Variants in ANKZF1 observed in about 807,000 individuals in gnomAD.
ANKZF1 encodes the protein tRNA endonuclease ANKZF1.
A neutral mutation model predicts 86.0 loss-of-function variants in ANKZF1; 84 were observed. That is an observed-to-expected ratio of 0.98 (90% CI 0.82 to 1.17). The LOEUF (loss-of-function observed/expected upper bound fraction) is 1.17, where lower values mean the gene tolerates loss of function less well. Among genes scored for constraint, ANKZF1 ranks in the 50% most tolerant of loss-of-function variants. The probability of loss-of-function intolerance (pLI) is 0.00; values close to 1 mark genes in which losing one functional copy is unlikely to be tolerated. For synonymous variants in ANKZF1, 331 were observed against 354.2 expected, an observed-to-expected ratio of 0.93 and a Z score of 0.74; for missense variants, 893 against 918.4, an observed-to-expected ratio of 0.97 and a Z score of 0.36.
rs1268306103 is a variant in ANKZF1, at chr2:219,236,073, G to A, written c.2035G>A (p.Asp679Asn). ...QLGAPTSPIP[D>N]SAIVNTRRCW... ...GGGAGCCCCTACCTCTCCAATCCCTGACTCTGCAATCGTCAATACTCGGTA... is the reference window on the plus strand; with the variant it reads ...GGGAGCCCCTACCTCTCCAATCCCTAACTCTGCAATCGTCAATACTCGGTA... The change falls in exon 13 of 14, where the codon GAC becomes AAC. Residue 679 changes from aspartate to asparagine, a missense_variant. By Grantham distance (23) the Asp-to-Asn change is conservative. Coordinates refer to ENST00000323348, the MANE Select transcript of ANKZF1 (RefSeq NM_018089.3). 5 of 1,614,210 alleles carry A rather than the reference G, an allele frequency of 3.1e-6. No individual in the cohort carries two copies. In the South Asian group the frequency reaches 5.5e-5, roughly 18 times the overall value.
In ANKZF1 at chr2:219,233,936, T is replaced by C; in HGVS notation, c.1041T>C (p.His347=). 1 of 1,569,608 alleles carries C rather than the reference T, an allele frequency of 6.4e-7. No individual in the cohort carries two copies. Among genetic ancestry groups the C allele is most frequent in the Non-Finnish European group, 8.6e-7 (1 of 1,159,768 alleles). ...QRVLHKLTTL[H]VYEEDPREAV... is the part of the protein sequence containing the mutation. ...TGCTCCATAAGCTGACCACTTTGCA[T>C]GTCTATGGTGAGCCTTTGCTCCAGA... The change falls in exon 8 of 14, where the codon CAT becomes CAC. Residue 347 remains histidine, a synonymous_variant. Coordinates refer to ENST00000323348, the MANE Select transcript of ANKZF1 (RefSeq NM_018089.3).
chr2:219,231,904 T>A, intron 2 of ANKZF1, 24 bp from the exon 3 acceptor site: 1 of 1,597,942 alleles, frequency 6.3e-7, no homozygotes, highest in South Asian at 1.1e-5. Flanking sequence ...CCTTTCTATG[T>A]CCAATTCCTC....
In ANKZF1 at chr2:219,235,179, G is replaced by C. The variant is rs751344224; in HGVS notation, c.1558G>C (p.Asp520His). The C allele has an allele frequency of 6.2e-7, 1 of 1,614,126 alleles. No homozygotes were observed. The highest frequency in any genetic ancestry group is 8.5e-7 in the Non-Finnish European group (1 of 1,180,018). The change falls in exon 10 of 14, where the codon GAC (aspartate) becomes CAC (histidine). Residue 520 changes from aspartate to histidine, a missense_variant. Coordinates refer to ENST00000323348, the MANE Select transcript of ANKZF1 (RefSeq NM_018089.3). ...LKLQLAPSPADPRVLSLLSAP... is the reference protein window; with the variant it reads ...LKLQLAPSPAHPRVLSLLSAP... ...GCTGCAGCTAGCTCCCAGCCCTGCA[G>C]ACCCTAGAGTTCTGTCTCTGCTCAG...
intron 1 of ANKZF1, 101 bp from the exon 2 acceptor site, chr2:219,230,127 G>C (rs1400270698): frequency 1.0e-6 from 1 of 962,246 alleles, no homozygotes; most frequent in African/African-American, 1.7e-5. Flanking sequence ...TGAGAGACGA[G>C]AAGTCTTGCG....
In ANKZF1 at chr2:219,232,255, A is replaced by G. The variant is rs1385728187; in HGVS notation, c.262-5A>G. On this transcript the variant is annotated splice_region_variant and splice_polypyrimidine_tract_variant and intron_variant, in intron 3 of 13. Transcript: ENST00000323348. The stretch of plus-strand genomic sequence containing the variant: ...CCTTTATCTCACTCTTTGTCTTTGT[A>G]CTAGAGGGAACATTATAAGCTTGAC... 1 of 1,613,432 alleles carries G rather than the reference A, an allele frequency of 6.2e-7. No individual in the cohort carries two copies. Among genetic ancestry groups the G allele is most frequent in the Non-Finnish European group, 8.5e-7 (1 of 1,179,350 alleles).
rs1278542767 is a variant in ANKZF1, at chr2:219,234,901, T to G, written c.1280T>G (p.Leu427Arg). 6.2e-7 allele frequency: 1 copy of G among 1,614,154 alleles called. No individual in the cohort carries two copies. The highest frequency in any genetic ancestry group is 1.7e-5 in the Admixed American group (1 of 60,024). Reference sequence around the variant, plus strand: ...GAGTTGACTGTGGGGACTCTGGATCTTTGTGAGTCTGAAGTATTGCCCAAG... The same window carrying G: ...GAGTTGACTGTGGGGACTCTGGATCGTTGTGAGTCTGAAGTATTGCCCAAG... ...LVELTVGTLD[L>R]CESEVLPKRR... The change falls in exon 10 of 14, where the codon CTT becomes CGT. Residue 427 changes from leucine (L) to arginine (R), a missense_variant. Transcript: ENST00000323348.
Position 219,236,001 on chromosome 2 carries a change from C to T in ANKZF1, c.1972-9C>T, listed in dbSNP as rs759507666. On this transcript the variant is annotated splice_polypyrimidine_tract_variant and intron_variant, in intron 12 of 13. Transcript: ENST00000323348. ...GGGCCTTGTCCTTAACACAACTTGT[C>T]TCCCTCAGAGAGCTCTGGCTGCAGA... 1.2e-6 allele frequency: 2 copies of T among 1,614,222 alleles called. No individual in the cohort carries two copies. Among genetic ancestry groups the T allele is most frequent in the Non-Finnish European group, 1.7e-6 (2 of 1,180,044 alleles).
At chr2:219,231,690 G>T in intron 2 of ANKZF1, 1 of 425,956 alleles carries the variant, frequency 2.3e-6, no homozygotes, top group Non-Finnish European at 4.3e-6. Flanking sequence ...CGCTGCACCT[G>T]GCCAATTTTA....
intron 8 of ANKZF1, 61 bp from the exon 9 acceptor site, chr2:219,234,072 G>A: frequency 3.8e-6 from 6 of 1,576,572 alleles, no homozygotes; most frequent in Non-Finnish European, 5.1e-6. Context: ...TCTGCATTGA[G>A]AGAAACCTGC....
rs1450982073 is a variant in ANKZF1 at position 219,233,930 on chromosome 2, T to A, written c.1035T>A (p.Thr345=). Residue 345 remains threonine (T), a synonymous_variant, in exon 8 of 14, where the codon ACT becomes ACA. Coordinates refer to ENST00000323348, the MANE Select transcript of ANKZF1 (RefSeq NM_018089.3). ...ELQRVLHKLT[T]LHVYEEDPRE... ...AGCGTGTGCTCCATAAGCTGACCACTTTGCATGTCTATGGTGAGCCTTTGC... is the reference window on the plus strand; with the variant it reads ...AGCGTGTGCTCCATAAGCTGACCACATTGCATGTCTATGGTGAGCCTTTGC... The A allele has an allele frequency of 3.2e-6, 5 of 1,577,708 alleles. No homozygotes were observed. Among genetic ancestry groups the A allele is most frequent in the Middle Eastern group, 1.7e-4 (1 of 5,864 alleles).
intron 3 of ANKZF1, 100 bp from the exon 4 acceptor site, chr2:219,232,160 C>G (rs774897732): frequency 1.4e-6 from 2 of 1,429,390 alleles, no homozygotes; most frequent in Non-Finnish European, 1.9e-6. Context: ...GTTGGTGTTA[C>G]CTGGTTGTAC....
chr2:219,233,194 G>T lies in ANKZF1; in HGVS notation c.671+3G>T. 6.2e-7 allele frequency: 1 copy of T among 1,614,206 alleles called. No individual in the cohort carries two copies. Among genetic ancestry groups the T allele is most frequent in the Admixed American group, 1.7e-5 (1 of 60,034 alleles). The stretch of plus-strand genomic sequence containing the variant: ...TTTGCTGGTGCTATATTTCAAGGGT[G>T]AGAGGGTGCTGCATGGGGGTAAGGA... On this transcript the variant is annotated splice_donor_region_variant and intron_variant, in intron 6 of 13. Coordinates refer to ENST00000323348, the MANE Select transcript of ANKZF1 (RefSeq NM_018089.3).
chr2:219,232,561 C>G lies in ANKZF1; in HGVS notation c.436C>G (p.Arg146Gly), dbSNP rs199733184. The G allele has an allele frequency of 1.9e-6, 3 of 1,614,042 alleles. No homozygotes were observed. The highest frequency in any genetic ancestry group is 2.5e-6 in the Non-Finnish European group (3 of 1,180,048). The change falls in exon 5 of 14, where the codon CGG becomes GGG. Residue 146 changes from arginine to glycine, a missense_variant. Transcript: ENST00000323348. ...ASEEDLQTLDRERATFEKLSR... is the reference protein window; with the variant it reads ...ASEEDLQTLDGERATFEKLSR... ...TGAGGAGGACTTGCAGACACTGGAT[C>G]GGGAGAGGGCTACATTTGAGAAGTT...
Position 219,235,492 on chromosome 2 carries a change from A to G in ANKZF1, c.1710A>G (p.Pro570=), listed in dbSNP as rs1307789470. The change falls in exon 11 of 14, where the codon CCA becomes CCG. Residue 570 remains proline (P), a synonymous_variant. Coordinates refer to ENST00000323348, the MANE Select transcript of ANKZF1 (RefSeq NM_018089.3). ...DPTVQDSRAR[P]PYTVAADKST... ...CACCTAGGGACTCTCGGGCCCGGCC[A>G]CCTTATACTGTTGCGGCTGACAAAT... 1.9e-6 allele frequency: 3 copies of G among 1,614,052 alleles called. No individual in the cohort carries two copies. Among genetic ancestry groups the G allele is most frequent in the Non-Finnish European group, 2.5e-6 (3 of 1,179,996 alleles).
intron 2 of ANKZF1, 37 bp downstream of exon 2, chr2:219,230,442 T>G: frequency 6.3e-7 from 1 of 1,577,978 alleles, no homozygotes; most frequent in East Asian, 2.3e-5. Context: ...GTGACAGGGC[T>G]CCTTACAGCG....
intron 2 of ANKZF1, 105 bp from the exon 3 acceptor site, chr2:219,231,823 C>A: frequency 2.2e-6 from 2 of 911,096 alleles, no homozygotes; most frequent in Non-Finnish European, 3.6e-6. Flanking sequence ...ATCATGCCAT[C>A]TCTTTTGTAT....
Position 219,235,588 on chromosome 2 carries a change from C to A in ANKZF1, c.1803+3C>A, listed in dbSNP as rs374619968. 56 of 1,613,690 alleles carry A rather than the reference C, an allele frequency of 3.5e-5. No homozygotes were observed. Among genetic ancestry groups the A allele is most frequent in the Non-Finnish European group, 4.7e-5 (55 of 1,179,890 alleles). On this transcript the variant is annotated splice_donor_region_variant and intron_variant, in intron 11 of 13. Coordinates refer to ENST00000323348, the MANE Select transcript of ANKZF1 (RefSeq NM_018089.3). ...CCTACGATTACAACAAGGCTCAGGT[C>A]ATCTGGAATAGGAAGGACAAGCAGA...
intron 5 of ANKZF1, 148 bp downstream of exon 5, chr2:219,232,831 T>C (rs993762538): frequency 1.0e-6 from 1 of 959,494 alleles, no homozygotes; most frequent in African/African-American, 1.6e-5. Context: ...GAATTGAAAC[T>C]GGCCTGAATT....
rs763856445 is a variant in ANKZF1, at chr2:219,230,271, C to T, written c.14C>T (p.Pro5Leu). Reference sequence around the variant, plus strand: ...TTCTGCTCAGCCATGTCGCCGGCTCCAGATGCAGCCCCGGCTCCTGCGTCG... The same window carrying T: ...TTCTGCTCAGCCATGTCGCCGGCTCTAGATGCAGCCCCGGCTCCTGCGTCG... MSPA[P>L]DAAPAPASIS... is the part of the protein sequence containing the mutation. The change falls in exon 2 of 14, where the codon CCA becomes CTA. Residue 5 changes from proline to leucine, a missense_variant. Coordinates refer to ENST00000323348, the MANE Select transcript of ANKZF1 (RefSeq NM_018089.3). 1.1e-5 allele frequency: 17 copies of T among 1,613,574 alleles called. No homozygotes were observed. The highest frequency in any genetic ancestry group is 1.3e-5 in the Non-Finnish European group (15 of 1,179,608).
Sources: allele counts gnomAD v4.1 joint callset, GRCh38; gene constraint gnomAD v4.1.1; transcripts MANE v1.5; gene names NCBI Gene and HGNC (gene_info 2026-07-23, HGNC 2026-07-21).